The following CNTNAP2 variants were observed in gnomAD, a reference collection of about 807,000 sequenced individuals.
The protein encoded by CNTNAP2 is contactin-associated protein-like 2.
In CNTNAP2, 98 loss-of-function variants were observed where a neutral mutation model predicts 155.2. The ratio of observed to expected loss-of-function variants is 0.63; its 90% CI spans 0.54 to 0.75. CNTNAP2 has a LOEUF of 0.75. Among genes scored for constraint, CNTNAP2 ranks in the 30% least tolerant of loss-of-function variants. The pLI, the probability that CNTNAP2 is intolerant of heterozygous loss-of-function variation, is 0.00. For missense variants in CNTNAP2, 1,727 were observed against 1,688.1 expected, an observed-to-expected ratio of 1.02 and a Z score of -0.40; for synonymous variants, 651 against 631.2, an observed-to-expected ratio of 1.03 and a Z score of -0.47.
intron 1 of CNTNAP2, among the ~76,000 whole-genome samples, chr7:146,518,851 T>C (rs925613335): frequency 2.6e-5 from 4 of 151,870 alleles, no homozygotes; most frequent in African/African-American, 9.7e-5. Context: ...GTTTATAATA[T>C]GGCTTTAAAA....
intron 2 of CNTNAP2, among the ~76,000 whole-genome samples, chr7:146,799,295 T>C (rs973200757): frequency 5.9e-5 from 9 of 152,198 alleles, no homozygotes; most frequent in African/African-American, 2.2e-4. Context: ...GTAACCCATT[T>C]CATACTGAAA....
chr7:147,947,525 G>A (rs906546571), intron 14 of CNTNAP2, among the ~76,000 whole-genome samples: 8 of 151,900 alleles, frequency 5.3e-5, no homozygotes, highest in Non-Finnish European at 1.0e-4. Flanking sequence ...GTTCTCAGGA[G>A]GCTGAGGTGG....
At chr7:147,069,626 C>T (rs10808043) in intron 4 of CNTNAP2, among the ~76,000 whole-genome samples, 90,425 of 151,892 alleles carry the variant, frequency 0.6, 28,358 homozygotes, top group East Asian at 0.74. Context: ...TAAAGCTTTA[C>T]GTAACATAGA....
intron 9 of CNTNAP2, among the ~76,000 whole-genome samples, chr7:147,317,794 G>A (rs995581876): frequency 1.2e-4 from 8 of 65,522 alleles, no homozygotes; most frequent in African/African-American, 5.2e-4. Flanking sequence ...GTGTGTGTGT[G>A]TGTGTATATG....
chr7:146,565,134 A>AAC (rs911705646), intron 1 of CNTNAP2, among the ~76,000 whole-genome samples: 7 of 151,660 alleles, frequency 4.6e-5, no homozygotes, highest in East Asian at 1.9e-4. Flanking sequence ...TGTAAAGTTA[A>AAC]ACACACACAC....
At chr7:146,160,444 A>G (rs760811121) in intron 1 of CNTNAP2, among the ~76,000 whole-genome samples, 2 of 152,176 alleles carry the variant, frequency 1.3e-5, no homozygotes, top group African/African-American at 2.4e-5. Context: ...ATAGACTGCT[A>G]GCAAGACTGC....
intron 2 of CNTNAP2, among the ~76,000 whole-genome samples, chr7:146,777,819 C>A (rs1802416024): frequency 6.6e-6 from 1 of 152,004 alleles, no homozygotes; most frequent in Non-Finnish European, 1.5e-5. Flanking sequence ...AATTTATATG[C>A]AAATGCCCTT....
In CNTNAP2 at chr7:146,980,968, C is replaced by G. The variant is rs144529211; in HGVS notation, c.403-62939C>G. 6.6e-5 allele frequency among the ~76,000 whole-genome samples: 10 copies of G among 152,196 alleles called. No homozygotes were observed. In the East Asian group the frequency reaches 1.9e-3, roughly 29 times the overall value. Reference sequence around the variant, plus strand: ...ACAACTGCTTTTTCTACCCCTTAGCCTAGAAATTATACACATCACTTCTAC... The same window carrying G: ...ACAACTGCTTTTTCTACCCCTTAGCGTAGAAATTATACACATCACTTCTAC... On this transcript the variant is annotated intron_variant, in intron 3 of 23. Coordinates refer to ENST00000361727, the MANE Select transcript of CNTNAP2 (RefSeq NM_014141.6).
intron 3 of CNTNAP2, among the ~76,000 whole-genome samples, chr7:146,918,968 C>T (rs1243279299): frequency 6.6e-6 from 1 of 152,132 alleles, no homozygotes; most frequent in African/African-American, 2.4e-5. Context: ...TTGTTTGATT[C>T]CATTGCTGAG....
chr7:147,685,213 T>G (rs538539939), intron 13 of CNTNAP2, among the ~76,000 whole-genome samples: 1 of 152,110 alleles, frequency 6.6e-6, no homozygotes, highest in African/African-American at 2.4e-5. Context: ...TTCCTGAACT[T>G]GCGTATAGAG....
At chr7:147,461,502 G>A (rs7794824) in intron 10 of CNTNAP2, among the ~76,000 whole-genome samples, 7 of 152,132 alleles carry the variant, frequency 4.6e-5, no homozygotes, top group Non-Finnish European at 1.0e-4. Flanking sequence ...ATTAAACATG[G>A]CACATCATTT....
chr7:148,038,867 GA>G (rs1802619417), intron 15 of CNTNAP2, among the ~76,000 whole-genome samples: 1 of 146,862 alleles, frequency 6.8e-6, no homozygotes, highest in East Asian at 1.9e-4. Context: ...TGGATGGATG[GA>G]TGGATAGATA....
At chr7:148,251,457 C>T (rs375083957) in intron 20 of CNTNAP2, among the ~76,000 whole-genome samples, 5 of 152,054 alleles carry the variant, frequency 3.3e-5, no homozygotes, top group Admixed American at 6.5e-5. Flanking sequence ...TACTGAGCTT[C>T]GGTGTCCAAA....
At chr7:146,607,827 T>C (rs1799073014) in intron 1 of CNTNAP2, among the ~76,000 whole-genome samples, 1 of 152,122 alleles carries the variant, frequency 6.6e-6, no homozygotes, top group African/African-American at 2.4e-5. Context: ...TTTGTCACAA[T>C]TTTATCATCC....
intron 1 of CNTNAP2, among the ~76,000 whole-genome samples, chr7:146,576,390 A>T (rs1341825044): frequency 6.6e-6 from 1 of 152,202 alleles, no homozygotes; most frequent in Non-Finnish European, 1.5e-5. Flanking sequence ...GACATTGTAC[A>T]ACAGCTCAAA....
At chr7:148,100,768 CTT>C (rs1413788556) in intron 15 of CNTNAP2, among the ~76,000 whole-genome samples, 1 of 152,060 alleles carries the variant, frequency 6.6e-6, no homozygotes, top group African/African-American at 2.4e-5. Context: ...ATTTGAAACT[CTT>C]TATAAACATT....
chr7:147,052,811 ATAAT>A lies in CNTNAP2; in HGVS notation c.550+8762_550+8765del, dbSNP rs1331049474. ...CTGCCAAGTTATACAAGATAAACTG[ATAAT>A]TAATGAGGTAATTAAAATTGTCATG... On this transcript the variant is annotated intron_variant, in intron 4 of 23. Coordinates refer to ENST00000361727, the MANE Select transcript of CNTNAP2 (RefSeq NM_014141.6). 4.6e-5 allele frequency among the ~76,000 whole-genome samples: 7 copies of A among 152,124 alleles called. 1 individual carries two copies. Among genetic ancestry groups the A allele is most frequent in the South Asian group, 2.1e-4 (1 of 4,832 alleles).
intron 15 of CNTNAP2, among the ~76,000 whole-genome samples, chr7:148,061,920 T>G (rs1421080029): frequency 8.0e-6 from 1 of 125,408 alleles, no homozygotes; most frequent in Non-Finnish European, 1.7e-5. Flanking sequence ...GATAAACAGA[T>G]ATAGATAGAT....
At chr7:146,306,274 C>T (rs766183674) in intron 1 of CNTNAP2, among the ~76,000 whole-genome samples, 12 of 151,922 alleles carry the variant, frequency 7.9e-5, no homozygotes, top group Admixed American at 3.3e-4. Context: ...CAACCAAAAA[C>T]GTCCAGGACC....
Sources: allele counts gnomAD v4.1 joint callset (sites outside exome capture counted in the v4.1 genomes callset), GRCh38; gene constraint gnomAD v4.1.1; transcripts MANE v1.5; gene names NCBI Gene and HGNC (gene_info 2026-07-23, HGNC 2026-07-21).